Variants in RTTN observed in about 807,000 individuals in gnomAD.
RTTN encodes rotatin.
A neutral mutation model predicts 269.2 loss-of-function variants in RTTN; 182 were observed. That is an observed-to-expected ratio of 0.68 (90% CI 0.60 to 0.76). The LOEUF is 0.76. Ranked by LOEUF, RTTN falls within the 30% of genes least tolerant of loss-of-function variation. The pLI, the probability that RTTN is intolerant of heterozygous loss-of-function variation, is 0.00. For missense variants in RTTN, 2,545 were observed against 2,608.6 expected (o/e 0.98, Z 0.53); for synonymous variants, 1,006 against 963.5 (o/e 1.04, Z -0.82).
intron 35 of RTTN, among the ~76,000 whole-genome samples, 187 bp downstream of exon 35, chr18:70,065,642 T>A (rs138146205): frequency 6.6e-6 from 1 of 152,346 alleles, no homozygotes; most frequent in African/African-American, 2.4e-5. Context: ...AAGAGCCAAA[T>A]TCCATTTATT....
intron 14 of RTTN, among the ~76,000 whole-genome samples, chr18:70,159,382 T>C (rs2060767958): frequency 1.3e-5 from 2 of 152,160 alleles, no homozygotes; most frequent in Non-Finnish European, 2.9e-5. Flanking sequence ...TAAAATTCTT[T>C]GAAACTAACA....
chr18:70,090,771 T>C (rs1249721090), intron 30 of RTTN, among the ~76,000 whole-genome samples: 7 of 152,162 alleles, frequency 4.6e-5, no homozygotes, highest in Non-Finnish European at 5.9e-5. Context: ...ATGGCTGCCC[T>C]TGAAGACAGC....
Position 70,044,126 on chromosome 18 carries a change from A to C in RTTN, c.5541+3845T>G, listed in dbSNP as rs146726411. Among the ~76,000 whole-genome samples, 353 of 152,326 alleles carry C rather than the reference A, an allele frequency of 2.3e-3. 1 individual carries two copies. Among genetic ancestry groups the C allele is most frequent in the African/African-American group, 8.2e-3 (339 of 41,574 alleles). On this transcript the variant is annotated intron_variant, in intron 40 of 48. Transcript: ENST00000640769. ...CAAGACTTTCTTGCTTTCTTTCCAA[A>C]AGGTACTTAATGTAAAAAATAGGCT... is the stretch of plus-strand genomic sequence containing the variant.
intron 1 of RTTN, 45 bp from the exon 2 acceptor site, chr18:70,205,360 G>A (rs2062050542): frequency 1.9e-6 from 3 of 1,605,200 alleles, no homozygotes; most frequent in Non-Finnish European, 2.6e-6. Context: ...CGACTGCAAA[G>A]AGACTACGTT....
chr18:70,177,042 T>C (rs1010465899), intron 10 of RTTN, among the ~76,000 whole-genome samples, 197 bp from the exon 11 acceptor site: 2 of 152,344 alleles, frequency 1.3e-5, no homozygotes, highest in African/African-American at 4.8e-5. Context: ...ATAAACCACC[T>C]ACATTTTAAA....
rs770841328 is a variant in RTTN at position 70,020,742 on chromosome 18, G to A, written c.6026C>T (p.Ser2009Phe). ...QATHRGAVSNSLMLCILKLAS... is the reference protein window; with the variant it reads ...QATHRGAVSNFLMLCILKLAS... ...CAACTTTAGGATACACAGCATCAGA[G>A]AGTTGCTCACGGCTCCTCTATGTGT... The change falls in exon 45 of 49, where the codon TCT (serine) becomes TTT (phenylalanine). Residue 2009 changes from serine to phenylalanine, a missense_variant. Physicochemically the swap from Ser to Phe is radical, Grantham distance 155 (BLOSUM62 -2). Transcript: ENST00000640769. The A allele has an allele frequency of 6.8e-6, 11 of 1,614,064 alleles. No homozygotes were observed. Among genetic ancestry groups the A allele is most frequent in the Non-Finnish European group, 9.3e-6 (11 of 1,179,914 alleles).
chr18:70,071,822 A>T (rs948164206), intron 34 of RTTN, among the ~76,000 whole-genome samples: 1 of 152,194 alleles, frequency 6.6e-6, no homozygotes, highest in Middle Eastern at 3.2e-3. Flanking sequence ...ACATGACCCA[A>T]ATCAAAAGAT....
chr18:70,005,277 T>C lies in RTTN; in HGVS notation c.6526-10A>G, dbSNP rs774113693. On this transcript the variant is annotated splice_polypyrimidine_tract_variant and intron_variant, in intron 47 of 48. Transcript: ENST00000640769. ...TCAAAGCTGTTTTTGCCTAGAACAA[T>C]CCATTAATTAGGTTTCTTGCCATGT... The C allele has an allele frequency of 6.2e-7, 1 of 1,607,418 alleles. No homozygotes were observed. The highest frequency in any genetic ancestry group is 1.1e-5 in the South Asian group (1 of 90,456).
rs372501342 is a variant in RTTN at position 70,058,254 on chromosome 18, C to T, written c.4941-422G>A. ...AAAACAGGCCGGGTGCGGTGGCTCACGCCTGTAATCCCAGCACTTTGGGAG... is the reference window on the plus strand; with the variant it reads ...AAAACAGGCCGGGTGCGGTGGCTCATGCCTGTAATCCCAGCACTTTGGGAG... On this transcript the variant is annotated intron_variant, in intron 36 of 48. Transcript: ENST00000640769. 1.3e-3 allele frequency among the ~76,000 whole-genome samples: 197 copies of T among 152,308 alleles called. 2 individuals are homozygous for T. Among genetic ancestry groups the T allele is most frequent in the East Asian group, 5.4e-3 (28 of 5,184 alleles).
chr18:70,155,990 G>C (rs540174601), intron 14 of RTTN, among the ~76,000 whole-genome samples: 5 of 151,872 alleles, frequency 3.3e-5, no homozygotes, highest in African/African-American at 1.2e-4. Flanking sequence ...GATGTATGTC[G>C]CCTCAGGACC....
chr18:70,109,742 C>G, intron 27 of RTTN, 25 bp from the exon 28 acceptor site: 1 of 1,593,176 alleles, frequency 6.3e-7, no homozygotes, highest in Non-Finnish European at 8.6e-7. Context: ...GAGGGAAAAT[C>G]AACCACCAAG....
In RTTN at chr18:70,167,023, C is replaced by T. The variant is rs1329501428; in HGVS notation, c.1698G>A (p.Lys566=). Residue 566 remains lysine (K), a synonymous_variant, in exon 13 of 49, where the codon AAG becomes AAA. Transcript: ENST00000640769. The part of the protein sequence containing the change: ...FLSDIGKEGE[K]NLLELVELAD... ...CCAGCTCCACTAATTCTAAGAGATTCTTCTCTCCCTACAAAAGAAGCAGAA... is the reference window on the plus strand; with the variant it reads ...CCAGCTCCACTAATTCTAAGAGATTTTTCTCTCCCTACAAAAGAAGCAGAA... The T allele has an allele frequency of 1.1e-5, 17 of 1,605,344 alleles. No homozygotes were observed. The highest frequency in any genetic ancestry group is 1.4e-5 in the Non-Finnish European group (17 of 1,172,632).
In RTTN at chr18:70,069,816, T is replaced by C. The variant is rs566272269; in HGVS notation, c.4654-3894A>G. On this transcript the variant is annotated intron_variant, in intron 34 of 48. Transcript: ENST00000640769. The stretch of plus-strand genomic sequence containing the variant: ...GTACAAAGGGAGAAAATAAGGATTG[T>C]AGTGTGAAAAAAATAAAGTACAAGT... 2.6e-5 allele frequency among the ~76,000 whole-genome samples: 4 copies of C among 152,246 alleles called. No individual in the cohort carries two copies. The East Asian group carries it at 5.8e-4, about 22-fold the overall frequency.
chr18:70,184,716 T>TTTTGTGTGTGTG (rs59000945), intron 10 of RTTN, among the ~76,000 whole-genome samples: 118 of 33,392 alleles, frequency 3.5e-3, no homozygotes, highest in Middle Eastern at 0.016. Context: ...TTTTTTTTTT[T>TTTTGTGTGTGTG]TGTGTGTGTG....
At chr18:70,042,786 A>C (rs1568286258) in intron 40 of RTTN, among the ~76,000 whole-genome samples, 1 of 152,198 alleles carries the variant, frequency 6.6e-6, no homozygotes, top group Non-Finnish European at 1.5e-5. Flanking sequence ...CCTAACTATA[A>C]ATTATATGTA....
At chr18:70,122,648 T>C (rs937770547) in intron 25 of RTTN, among the ~76,000 whole-genome samples, 2 of 152,170 alleles carry the variant, frequency 1.3e-5, no homozygotes, top group Non-Finnish European at 2.9e-5. Context: ...AAAACAGGAA[T>C]ACTAAACTAA....
rs751096280 is a variant in RTTN at position 70,004,203 on chromosome 18, G to A, written c.6629C>T (p.Ala2210Val). 16 of 1,613,514 alleles carry A rather than the reference G, an allele frequency of 9.9e-6. No individual in the cohort carries two copies. The East Asian group carries it at 3.1e-4, about 31-fold the overall frequency. ...FPNSEANPLN[A>V]YYLKCLENLV... ...GTTTTCAAGACATTTCAAATAATAG[G>A]CATTTAGAGGGTTTGCTTCTGAGTT... The change falls in exon 49 of 49, where the codon GCC (alanine) becomes GTC (valine). Residue 2210 changes from alanine (A) to valine (V), a missense_variant. Physicochemically the swap from Ala to Val is moderately conservative, Grantham distance 64. Transcript: ENST00000640769.
intron 40 of RTTN, among the ~76,000 whole-genome samples, chr18:70,040,702 G>T (rs142569727): frequency 5.3e-4 from 81 of 152,252 alleles, no homozygotes; most frequent in African/African-American, 1.9e-3. Flanking sequence ...GGATCATTCT[G>T]TAGGATATTC....
intron 10 of RTTN, among the ~76,000 whole-genome samples, chr18:70,177,281 C>T (rs144262378): frequency 3.0e-4 from 45 of 152,246 alleles, no homozygotes; most frequent in African/African-American, 1.0e-3. Context: ...GTACAAGAGA[C>T]ATGATGATCT....
Sources: gnomAD v4.1 joint callset for allele counts (sites outside exome capture counted in the v4.1 genomes callset) on GRCh38, gnomAD v4.1.1 for gene constraint, MANE v1.5 for transcripts, NCBI Gene and HGNC (gene_info 2026-07-23, HGNC 2026-07-21) for gene names.